The following TYW1B variants were observed in gnomAD, a reference collection of about 807,000 sequenced individuals.
TYW1B encodes the protein S-adenosyl-L-methionine-dependent tRNA 4-demethylwyosine synthase TYW1B.
In TYW1B, 73 loss-of-function variants were observed where a neutral mutation model predicts 86.9. The observed-to-expected ratio is 0.84, with a 90% CI of 0.70 to 1.02. TYW1B has a LOEUF of 1.02. TYW1B is among the 50% of genes least tolerant of loss of function. TYW1B has a pLI of 0.00. For synonymous variants in TYW1B, 248 were observed against 292.8 expected (o/e 0.85, Z 1.56); for missense variants, 637 against 827.4 (o/e 0.77, Z 2.82).
At chr7:72,686,714 A>T (rs1389135060) in intron 11 of TYW1B, among the ~76,000 whole-genome samples, 3 of 152,166 alleles carry the variant, frequency 2.0e-5, no homozygotes, top group Non-Finnish European at 4.4e-5. Flanking sequence ...TGTGGCTGAT[A>T]ATGATGGATC....
chr7:72,794,858 G>A (rs1363915554), intron 6 of TYW1B, among the ~76,000 whole-genome samples: 4 of 148,132 alleles, frequency 2.7e-5, no homozygotes, highest in Non-Finnish European at 5.9e-5. Context: ...AACTCCCGTC[G>A]CCCAGACTAG....
Position 72,616,963 on chromosome 7 carries a change from G to A in TYW1B, c.1618-124C>T, listed in dbSNP as rs1458990086. 6 of 1,293,880 alleles carry A rather than the reference G, an allele frequency of 4.6e-6. No homozygotes were observed. In the Admixed American group the frequency reaches 1.4e-4, roughly 31 times the overall value. The allele number at this position is 1,293,880 out of a possible 1,614,324, so 80.1% of individuals were successfully genotyped here. On this transcript the variant is annotated intron_variant, in intron 12 of 13. Transcript: ENST00000620995. ...AATCCAGTCCGTATTTTACAGTGAA[G>A]GAAGTGAATATAGAGATGATAAAAT...
intron 13 of TYW1B, among the ~76,000 whole-genome samples, chr7:72,606,063 G>A (rs1160090738): frequency 6.6e-6 from 1 of 152,150 alleles, no homozygotes; most frequent in Non-Finnish European, 1.5e-5. Flanking sequence ...GTAGAGATAA[G>A]AAGGCACACT....
At chr7:72,749,582 G>A (rs555470083) in intron 7 of TYW1B, among the ~76,000 whole-genome samples, 7 of 152,192 alleles carry the variant, frequency 4.6e-5, no homozygotes, top group South Asian at 2.1e-4. Flanking sequence ...GTGAGCCGCC[G>A]CACCCAGCCT....
chr7:72,697,671 T>C (rs1269796053), intron 10 of TYW1B, among the ~76,000 whole-genome samples: 5 of 152,124 alleles, frequency 3.3e-5, no homozygotes, highest in African/African-American at 1.2e-4. Flanking sequence ...TTCCTGTATC[T>C]GAGAATCTCA....
At chr7:72,824,570 G>A (rs58707337) in intron 2 of TYW1B, among the ~76,000 whole-genome samples, 18,110 of 151,712 alleles carry the variant, frequency 0.12, 1,994 homozygotes, top group East Asian at 0.33. Flanking sequence ...GTGAAACCTC[G>A]TCTCTACTAA....
At chr7:72,576,272 A>G (rs1458323897) in intron 13 of TYW1B, among the ~76,000 whole-genome samples, 2 of 152,216 alleles carry the variant, frequency 1.3e-5, no homozygotes, top group African/African-American at 4.8e-5. Flanking sequence ...CAATTCAGTA[A>G]GAGGGGATAA....
chr7:72,804,438 G>A (rs1788459409), intron 5 of TYW1B, among the ~76,000 whole-genome samples: 1 of 152,080 alleles, frequency 6.6e-6, no homozygotes, highest in African/African-American at 2.4e-5. Context: ...CCCCTCTTAG[G>A]CGAGGTCATG....
At chr7:72,588,392 G>T (rs1393725929) in intron 13 of TYW1B, among the ~76,000 whole-genome samples, 1 of 152,184 alleles carries the variant, frequency 6.6e-6, no homozygotes, top group Non-Finnish European at 1.5e-5. Context: ...CTCTGATGAG[G>T]GTGAGTTCCA....
intron 11 of TYW1B, among the ~76,000 whole-genome samples, chr7:72,632,464 T>TATATATATAAAATATATATATAC (rs1812558055): frequency 8.9e-6 from 1 of 112,966 alleles, no homozygotes; most frequent in Non-Finnish European, 1.7e-5. Context: ...TATATATACA[T>TATATATATAAAATATATATATAC]ATATATATAA....
At chr7:72,706,894 AC>A (rs1283693704) in intron 10 of TYW1B, among the ~76,000 whole-genome samples, 1 of 152,220 alleles carries the variant, frequency 6.6e-6, no homozygotes, top group Non-Finnish European at 1.5e-5. Flanking sequence ...GAAAAGCAAA[AC>A]CTACTTCTTA....
chr7:72,812,907 C>T (rs1788648008), intron 3 of TYW1B, among the ~76,000 whole-genome samples: 1 of 152,046 alleles, frequency 6.6e-6, no homozygotes, highest in African/African-American at 2.4e-5. Flanking sequence ...GCCCAGGCTG[C>T]TCTCATATGC....
chr7:72,678,619 C>CATTT (rs1277384014), intron 11 of TYW1B, among the ~76,000 whole-genome samples: 2 of 110,432 alleles, frequency 1.8e-5, no homozygotes, highest in African/African-American at 3.3e-5. Flanking sequence ...AATTCCAGCA[C>CATTT]TTTTTTTTTT....
chr7:72,633,302 C>T (rs1478299454), intron 11 of TYW1B, among the ~76,000 whole-genome samples: 4 of 152,156 alleles, frequency 2.6e-5, no homozygotes, highest in African/African-American at 9.6e-5. Flanking sequence ...AGGAGCTGTA[C>T]CCTTCAATAA....
chr7:72,802,154 A>T (rs1264538753), intron 6 of TYW1B, among the ~76,000 whole-genome samples: 1 of 152,016 alleles, frequency 6.6e-6, no homozygotes, highest in Non-Finnish European at 1.5e-5. Context: ...CCCCCGATCT[A>T]CAATGTCCTC....
chr7:72,583,636 G>C (rs1811208872), intron 13 of TYW1B, among the ~76,000 whole-genome samples: 1 of 152,218 alleles, frequency 6.6e-6, no homozygotes, highest in Non-Finnish European at 1.5e-5. Flanking sequence ...AGTGGTGACT[G>C]TATCCATCCA....
intron 2 of TYW1B, among the ~76,000 whole-genome samples, chr7:72,826,020 T>G (rs1216478867): frequency 1.3e-5 from 2 of 152,234 alleles, no homozygotes; most frequent in African/African-American, 2.4e-5. Context: ...GACAGTTCAC[T>G]GCTAAAGTTC....
intron 12 of TYW1B, among the ~76,000 whole-genome samples, 162 bp downstream of exon 12, chr7:72,628,725 G>C (rs1477543349): frequency 6.6e-6 from 1 of 151,886 alleles, no homozygotes; most frequent in Non-Finnish European, 1.5e-5. Context: ...CCAAGGCCTA[G>C]AACAATTCCA....
intron 7 of TYW1B, among the ~76,000 whole-genome samples, chr7:72,771,213 T>C (rs1182072518): frequency 2.6e-5 from 4 of 152,208 alleles, no homozygotes; most frequent in African/African-American, 7.2e-5. Flanking sequence ...TCCGCCCACC[T>C]GGCCTCCCAA....
Sources: allele counts gnomAD v4.1 joint callset (sites outside exome capture counted in the v4.1 genomes callset), GRCh38; gene constraint gnomAD v4.1.1; transcripts MANE v1.5; gene names NCBI Gene and HGNC (gene_info 2026-07-23, HGNC 2026-07-21).